The following SKAP1 variants were observed in gnomAD, a reference collection of about 807,000 sequenced individuals.
The protein encoded by SKAP1 is src kinase-associated phosphoprotein 1.
SKAP1 carries 44 observed loss-of-function variants against 58.5 expected under a neutral mutation model. The ratio of observed to expected loss-of-function variants is 0.75; its 90% CI spans 0.59 to 0.97. The LOEUF (loss-of-function observed/expected upper bound fraction) is 0.97. Ranked by LOEUF, SKAP1 falls within the 50% of genes least tolerant of loss-of-function variation. The pLI, the probability that SKAP1 is intolerant of heterozygous loss-of-function variation, is 0.00. For missense variants in SKAP1, 390 were observed against 435.2 expected (o/e 0.90, Z 0.92); for synonymous variants, 127 against 149.7 (o/e 0.85, Z 1.11).
chr17:48,370,071 C>G (rs2067063282), intron 2 of SKAP1, among the ~76,000 whole-genome samples: 1 of 152,136 alleles, frequency 6.6e-6, no homozygotes, highest in Admixed American at 6.5e-5. Flanking sequence ...ATTTCAGTAT[C>G]TTTCATACTG....
chr17:48,171,278 G>C (rs1402744091), intron 9 of SKAP1, among the ~76,000 whole-genome samples: 2 of 151,358 alleles, frequency 1.3e-5, no homozygotes, highest in Non-Finnish European at 2.9e-5. Flanking sequence ...AGCTAATTTT[G>C]TATCTTTAGT....
At chr17:48,236,548 A>G (rs923491239) in intron 4 of SKAP1, among the ~76,000 whole-genome samples, 4 of 152,218 alleles carry the variant, frequency 2.6e-5, no homozygotes, top group African/African-American at 9.6e-5. Flanking sequence ...AAGATTACAT[A>G]AACAAATTTA....
intron 11 of SKAP1, chr17:48,156,427 C>A (rs1383931148): frequency 3.8e-6 from 2 of 522,880 alleles, no homozygotes; most frequent in Admixed American, 2.0e-5. Flanking sequence ...TATGAGGAGA[C>A]CTGCACCAGC....
intron 4 of SKAP1, among the ~76,000 whole-genome samples, chr17:48,264,746 A>ACC (rs1491146757): frequency 2.9e-5 from 1 of 34,914 alleles, no homozygotes. Flanking sequence ...AATCTACAAA[A>ACC]CACACACACA....
chr17:48,218,781 C>T (rs1567825295), intron 4 of SKAP1, among the ~76,000 whole-genome samples: 1 of 152,084 alleles, frequency 6.6e-6, no homozygotes, highest in Non-Finnish European at 1.5e-5. Flanking sequence ...AATATCTGAA[C>T]TGAGAAAGAA....
chr17:48,182,347 C>G, intron 8 of SKAP1, 47 bp downstream of exon 8: 1 of 1,361,766 alleles, frequency 7.3e-7, no homozygotes, highest in Non-Finnish European at 1.0e-6. Context: ...AACATAACTT[C>G]AACTGCAAAT....
chr17:48,382,771 G>A (rs994826711), intron 2 of SKAP1, among the ~76,000 whole-genome samples: 2 of 152,184 alleles, frequency 1.3e-5, no homozygotes, highest in Admixed American at 1.3e-4. Flanking sequence ...CCAAAAGTTG[G>A]AAGGAAACCA....
chr17:48,217,801 G>T (rs760358957), intron 4 of SKAP1, among the ~76,000 whole-genome samples: 4 of 152,184 alleles, frequency 2.6e-5, no homozygotes, highest in Non-Finnish European at 5.9e-5. Flanking sequence ...ATCAGACCAT[G>T]ATTTGAGGTT....
intron 10 of SKAP1, among the ~76,000 whole-genome samples, chr17:48,163,534 G>A (rs1240352711): frequency 6.6e-6 from 1 of 152,116 alleles, no homozygotes; most frequent in Non-Finnish European, 1.5e-5. Flanking sequence ...TTTTTCCTTG[G>A]GGTGCTCTGT....
Position 48,403,373 on chromosome 17 carries a change from C to T in SKAP1, c.47-6588G>A, listed in dbSNP as rs115096000. ...CAGTGCAAGACTCTGTCTCAAAATA[C>T]TATATTGAATATTTTTTATTACATT... On this transcript the variant is annotated intron_variant, in intron 1 of 12. Transcript: ENST00000336915. Among the ~76,000 whole-genome samples the T allele has an allele frequency of 4.6e-3, 704 of 151,712 alleles. 4 individuals carry two copies. Among genetic ancestry groups the T allele is most frequent in the African/African-American group, 0.016 (657 of 41,356 alleles).
intron 4 of SKAP1, among the ~76,000 whole-genome samples, chr17:48,274,671 G>A (rs568589719): frequency 6.6e-6 from 1 of 151,720 alleles, no homozygotes; most frequent in East Asian, 1.9e-4. Context: ...ACTCCAGCCC[G>A]GGCAACAAGA....
At chr17:48,232,054 C>CA (rs1197968066) in intron 4 of SKAP1, among the ~76,000 whole-genome samples, 1 of 152,224 alleles carries the variant, frequency 6.6e-6, no homozygotes, top group Non-Finnish European at 1.5e-5. Flanking sequence ...CCTTCTTAAC[C>CA]CCCTTTTCTT....
chr17:48,252,611 A>T (rs2065376497), intron 4 of SKAP1, among the ~76,000 whole-genome samples: 1 of 152,206 alleles, frequency 6.6e-6, no homozygotes, highest in African/African-American at 2.4e-5. Context: ...CTTAATGAAT[A>T]GAATTGCTAT....
intron 2 of SKAP1, among the ~76,000 whole-genome samples, chr17:48,396,129 C>T (rs1466358404): frequency 6.6e-6 from 1 of 152,178 alleles, no homozygotes; most frequent in Non-Finnish European, 1.5e-5. Context: ...GTTTGCATCT[C>T]TCAGATGCTC....
intron 4 of SKAP1, among the ~76,000 whole-genome samples, chr17:48,264,478 A>C (rs1028194036): frequency 2.0e-5 from 3 of 152,162 alleles, no homozygotes; most frequent in African/African-American, 7.2e-5. Context: ...GTGTGAATGA[A>C]AAGTAACTTT....
chr17:48,438,863 C>T, the SKAP1 span, among the ~76,000 whole-genome samples: 2 of 151,912 alleles, frequency 1.3e-5, no homozygotes, highest in Admixed American at 6.6e-5. Context: ...CAGACGGACA[C>T]GACTTGGGGA....
intron 7 of SKAP1, 97 bp downstream of exon 7, chr17:48,184,625 AG>A (rs978130871): frequency 8.7e-6 from 13 of 1,495,064 alleles, no homozygotes; most frequent in Non-Finnish European, 1.2e-5. Context: ...CAGGTAACAA[AG>A]AAAGGCTGGA....
At chr17:48,265,857 C>T (rs943769384) in intron 4 of SKAP1, among the ~76,000 whole-genome samples, 1 of 152,188 alleles carries the variant, frequency 6.6e-6, no homozygotes, top group Non-Finnish European at 1.5e-5. Flanking sequence ...AATGCCTCCC[C>T]TGTTAGAATC....
At chr17:48,288,923 TA>T (rs1281153890) in intron 4 of SKAP1, among the ~76,000 whole-genome samples, 2 of 152,150 alleles carry the variant, frequency 1.3e-5, no homozygotes, top group Non-Finnish European at 2.9e-5. Flanking sequence ...ATAACATGAA[TA>T]GTGTGGCTTC....
Sources: allele counts gnomAD v4.1 joint callset (sites outside exome capture counted in the v4.1 genomes callset), GRCh38; gene constraint gnomAD v4.1.1; transcripts MANE v1.5; gene names NCBI Gene and HGNC (gene_info 2026-07-23, HGNC 2026-07-21).